The following CEMIP2 variants were observed in gnomAD, a reference collection of about 807,000 sequenced individuals.
CEMIP2 encodes cell surface hyaluronidase CEMIP2.
A neutral mutation model predicts 146.9 loss-of-function variants in CEMIP2; 79 were observed. The observed-to-expected ratio is 0.54, with a 90% confidence interval of 0.45 to 0.65. CEMIP2 has a LOEUF of 0.65. CEMIP2 is among the 30% of genes least tolerant of loss of function. CEMIP2 has a pLI of 0.00. For synonymous variants in CEMIP2, 601 were observed against 606.3 expected, an observed-to-expected ratio of 0.99 and a Z score of 0.13; for missense variants, 1,596 against 1,696.2, an observed-to-expected ratio of 0.94 and a Z score of 1.04.
chr9:71,722,593 G>T, intron 11 of CEMIP2, 78 bp from the exon 12 acceptor site: 1 of 1,166,454 alleles, frequency 8.6e-7, no homozygotes, highest in Non-Finnish European at 1.2e-6. Flanking sequence ...CATGAAAATA[G>T]ATTTTAGCTT....
At chr9:71,719,221 G>A (rs1000760073) in intron 12 of CEMIP2, among the ~76,000 whole-genome samples, 1 of 152,172 alleles carries the variant, frequency 6.6e-6, no homozygotes, top group Non-Finnish European at 1.5e-5. Flanking sequence ...TTTGCCTAAT[G>A]CTAATACCAC....
chr9:71,712,930 C>A (rs1354082056), intron 15 of CEMIP2, among the ~76,000 whole-genome samples: 1 of 152,192 alleles, frequency 6.6e-6, no homozygotes, highest in Non-Finnish European at 1.5e-5. Context: ...CCTATTAATT[C>A]TTTAATTGCA....
chr9:71,715,134 T>G (rs1436707417), intron 14 of CEMIP2, 45 bp from the exon 15 acceptor site: 2 of 1,595,372 alleles, frequency 1.3e-6, no homozygotes, highest in East Asian at 4.5e-5. Context: ...TCCAGAAAAT[T>G]TAAATGTATT....
chr9:71,732,282 T>C, intron 7 of CEMIP2, 69 bp downstream of exon 7: 1 of 1,460,362 alleles, frequency 6.8e-7, no homozygotes, highest in Non-Finnish European at 9.2e-7. Context: ...GTTCCAAAAC[T>C]TGACAGTTTC....
chr9:71,728,303 A>G (rs866791505), intron 10 of CEMIP2, among the ~76,000 whole-genome samples: 624 of 24,206 alleles, frequency 0.026, 58 homozygotes, highest in South Asian at 0.07. Context: ...ATATATATAC[A>G]TATATATATA....
At chr9:71,738,405 C>G (rs566860386) in intron 5 of CEMIP2, among the ~76,000 whole-genome samples, 4 of 151,732 alleles carry the variant, frequency 2.6e-5, no homozygotes, top group Non-Finnish European at 5.9e-5. Flanking sequence ...ATCCCAGCTA[C>G]TTGGGAGCCT....
intron 5 of CEMIP2, among the ~76,000 whole-genome samples, chr9:71,735,966 C>T (rs758893492): frequency 5.9e-5 from 9 of 151,508 alleles, no homozygotes; most frequent in South Asian, 2.1e-4. Context: ...TGGTGGCACA[C>T]GCTTGTGGTC....
intron 2 of CEMIP2, among the ~76,000 whole-genome samples, chr9:71,747,410 G>A (rs1477881596): frequency 1.3e-5 from 2 of 152,194 alleles, no homozygotes; most frequent in Non-Finnish European, 2.9e-5. Context: ...TGGGGCTGGA[G>A]TAACTGAGGC....
intron 2 of CEMIP2, among the ~76,000 whole-genome samples, chr9:71,746,732 T>A (rs1459196123): frequency 6.6e-6 from 1 of 151,414 alleles, no homozygotes; most frequent in Non-Finnish European, 1.5e-5. Flanking sequence ...GTTCACAACA[T>A]CCTGGTAAAT....
At chr9:71,763,285 C>T (rs996272729) in intron 1 of CEMIP2, among the ~76,000 whole-genome samples, 1 of 152,132 alleles carries the variant, frequency 6.6e-6, no homozygotes, top group Admixed American at 6.5e-5. Flanking sequence ...CTCCAAAGTG[C>T]ACACCAATAA....
chr9:71,730,567 C>A (rs753278380), intron 8 of CEMIP2, 138 bp downstream of exon 8: 12 of 871,974 alleles, frequency 1.4e-5, no homozygotes, highest in Non-Finnish European at 2.0e-5. Context: ...ACAGAAAAAT[C>A]GTGGAATGCT....
chr9:71,743,436 C>G (rs575877890), intron 4 of CEMIP2, among the ~76,000 whole-genome samples: 1 of 152,034 alleles, frequency 6.6e-6, no homozygotes, highest in Non-Finnish European at 1.5e-5. Flanking sequence ...AAAACAAAAA[C>G]CAGAAAGAAA....
chr9:71,742,502 C>A (rs1459064907), intron 4 of CEMIP2, among the ~76,000 whole-genome samples: 1 of 152,168 alleles, frequency 6.6e-6, no homozygotes, highest in Non-Finnish European at 1.5e-5. Context: ...TGTTTATGTA[C>A]ATTGGAGATA....
rs1332794316 is a variant in CEMIP2, at chr9:71,738,478, G to C, written c.1204+1585C>G. ...TGCAGTGAGCGACAATCGCACCACT[G>C]CACTCCAGCCTGGGCGACAGAACAA... is the stretch of plus-strand genomic sequence containing the variant. On this transcript the variant is annotated intron_variant, in intron 5 of 23. Coordinates refer to ENST00000377044, the MANE Select transcript of CEMIP2 (RefSeq NM_013390.3). 3.3e-5 allele frequency among the ~76,000 whole-genome samples: 5 copies of C among 151,944 alleles called. No homozygotes were observed. In the South Asian group the frequency reaches 1.0e-3, roughly 32 times the overall value.
At position 71,745,384 on chromosome 9, in the gene CEMIP2, C is replaced by G. The variant is rs1824057167; in HGVS notation, c.668G>C (p.Gly223Ala). 1.2e-6 allele frequency: 2 copies of G among 1,614,138 alleles called. No homozygotes were observed. The highest frequency in any genetic ancestry group is 1.7e-6 in the Non-Finnish European group (2 of 1,180,016). Residue 223 changes from glycine (G) to alanine (A), a missense_variant, in exon 4 of 24, where the codon GGT (glycine) becomes GCT (alanine). Transcript: ENST00000377044. The part of the protein sequence containing the change: ...SMPTFGKKFI[G>A]VEAGGTLELH... ...CTCCAGTGTCCCGCCAGCTTCCACA[C>G]CAATAAACTTTTTGCCAAATGTTGG...
chr9:71,695,183 A>C (rs1324737098), intron 20 of CEMIP2, among the ~76,000 whole-genome samples: 2 of 151,812 alleles, frequency 1.3e-5, no homozygotes, highest in East Asian at 3.9e-4. Flanking sequence ...CTTCCTTGCC[A>C]CTCTGCCTTT....
rs1414365711 is a variant in CEMIP2, at chr9:71,683,821, T to C, written c.*1376A>G. On this transcript the variant is annotated 3_prime_UTR_variant, in exon 24 of 24. Transcript: ENST00000377044. ...TTGCCCCTAGAAGAGGAAAGTGAAA[T>C]TATCTGTACTCATTGCCAGTGTCAG... is the stretch of plus-strand genomic sequence containing the variant. 1 of 152,602 alleles carries C rather than the reference T, an allele frequency of 6.6e-6. No individual in the cohort carries two copies. The allele number at this position is 152,602 out of a possible 1,614,324, so 9.5% of individuals were successfully genotyped here. A position where few individuals can be genotyped will look rare whatever the true frequency, so the allele number is the denominator to read the frequency against.
intron 1 of CEMIP2, among the ~76,000 whole-genome samples, chr9:71,752,914 T>C (rs1408227229): frequency 6.6e-6 from 1 of 152,110 alleles, no homozygotes; most frequent in African/African-American, 2.4e-5. Flanking sequence ...CAAAAACACT[T>C]GGTTTGTGGG....
At chr9:71,740,274 G>C (rs1823877414) in intron 4 of CEMIP2, 42 bp from the exon 5 acceptor site, 2 of 1,596,858 alleles carry the variant, frequency 1.3e-6, no homozygotes, top group East Asian at 4.5e-5. Context: ...ACTTGTCATG[G>C]TATTCACAAA....
Sources: allele counts gnomAD v4.1 joint callset (sites outside exome capture counted in the v4.1 genomes callset), GRCh38; gene constraint gnomAD v4.1.1; transcripts MANE v1.5; gene names NCBI Gene and HGNC (gene_info 2026-07-23, HGNC 2026-07-21).